The following DAD1 variants were observed in gnomAD, a reference collection of about 807,000 sequenced individuals.
The protein encoded by DAD1 is dolichyl-diphosphooligosaccharide--protein glycosyltransferase subunit DAD1.
A neutral mutation model predicts 9.0 loss-of-function variants in DAD1; 4 were observed. That is an observed-to-expected ratio of 0.44 (90% CI 0.22 to 1.01). The LOEUF (loss-of-function observed/expected upper bound fraction) is 1.01, where lower values mean the gene tolerates loss of function less well. Ranked by LOEUF, DAD1 falls within the 50% of genes least tolerant of loss-of-function variation. The probability of loss-of-function intolerance (pLI) is 0.24; values close to 1 mark genes in which losing one functional copy is unlikely to be tolerated. For synonymous variants in DAD1, 60 were observed against 62.5 expected, an observed-to-expected ratio of 0.96 and a Z score of 0.19; for missense variants, 119 against 137.3, an observed-to-expected ratio of 0.87 and a Z score of 0.67.
At chr14:22,588,034 C>A (rs1310467198) in intron 1 of DAD1, among the ~76,000 whole-genome samples, 1 of 152,244 alleles carries the variant, frequency 6.6e-6, no homozygotes, top group African/African-American at 2.4e-5. Context: ...CTGTGCCAGG[C>A]CTCCAGACAA....
Position 22,576,963 on chromosome 14 carries a change from CAA to C in DAD1, c.212-1732_212-1731del, listed in dbSNP as rs748552335. On this transcript the variant is annotated intron_variant, in intron 1 of 2. Transcript: ENST00000250498. ...ATTAGGATGTCTAGTATCAAAAAAA[CAA>C]GAGTTGGCAAGAATGCAGAGAAACT... Among the ~76,000 whole-genome samples the C allele has an allele frequency of 2.6e-5, 4 of 152,192 alleles. No individual in the cohort carries two copies. The East Asian group carries it at 7.7e-4, about 29-fold the overall frequency.
chr14:22,571,508 A>G (rs1329904883), intron 2 of DAD1, among the ~76,000 whole-genome samples: 1 of 151,980 alleles, frequency 6.6e-6, no homozygotes, highest in East Asian at 1.9e-4. Flanking sequence ...TCAGAAGCTC[A>G]CTGGGAGAAT....
intron 2 of DAD1, among the ~76,000 whole-genome samples, chr14:22,570,816 C>A (rs1047979052): frequency 1.3e-5 from 2 of 152,166 alleles, no homozygotes; most frequent in African/African-American, 4.8e-5. Context: ...TAACAAGGCA[C>A]AGGCATTTGG....
chr14:22,583,423 C>T (rs187101488), intron 1 of DAD1, among the ~76,000 whole-genome samples: 1 of 151,124 alleles, frequency 6.6e-6, no homozygotes, highest in East Asian at 1.9e-4. Context: ...AAATGCTAAA[C>T]GTTGCAACAT....
chr14:22,586,320 C>T (rs954170195), intron 1 of DAD1, among the ~76,000 whole-genome samples: 9 of 151,882 alleles, frequency 5.9e-5, no homozygotes, highest in Non-Finnish European at 1.2e-4. Context: ...CAGAGGCAGG[C>T]GGATCACCTG....
intron 1 of DAD1, among the ~76,000 whole-genome samples, chr14:22,576,163 C>A (rs184332212): frequency 2.5e-4 from 38 of 152,282 alleles, no homozygotes; most frequent in African/African-American, 9.1e-4. Context: ...ATCTGCCTAG[C>A]TCCATGGTAT....
At chr14:22,567,774 C>A (rs1206756836) in intron 2 of DAD1, among the ~76,000 whole-genome samples, 3 of 152,174 alleles carry the variant, frequency 2.0e-5, no homozygotes, top group African/African-American at 7.2e-5. Flanking sequence ...CAGTGCTGGT[C>A]CAGGATCACC....
At chr14:22,585,754 G>A (rs564184739) in intron 1 of DAD1, among the ~76,000 whole-genome samples, 1 of 152,252 alleles carries the variant, frequency 6.6e-6, no homozygotes, top group South Asian at 2.1e-4. Context: ...GGTTTAAAAT[G>A]TACTGGTCAA....
In DAD1 at chr14:22,589,029, A is replaced by G; in HGVS notation, c.129T>C (p.Gly43=). The change falls in exon 1 of 3, where the codon GGT becomes GGC. Residue 43 remains glycine, a synonymous_variant. Coordinates refer to ENST00000250498, the MANE Select transcript of DAD1 (RefSeq NM_001344.4). ...GGAAGGTCCCCACGAGGAGACAGTA[A>G]CCGAACTGCAGCGCCCCGGTCAGCA... ...YILLTGALQF[G]YCLLVGTFPF... 6.2e-7 allele frequency: 1 copy of G among 1,614,238 alleles called. No homozygotes were observed. Among genetic ancestry groups the G allele is most frequent in the South Asian group, 1.1e-5 (1 of 91,092 alleles).
At chr14:22,578,267 T>A (rs1157195993) in intron 1 of DAD1, among the ~76,000 whole-genome samples, 1 of 104,698 alleles carries the variant, frequency 9.6e-6, no homozygotes, top group Non-Finnish European at 2.0e-5. Context: ...AAAAAAAAAT[T>A]AAAAAATAAA....
chr14:22,576,719 T>A (rs5742786), intron 1 of DAD1, among the ~76,000 whole-genome samples: 14,002 of 152,230 alleles, frequency 0.092, 1,182 homozygotes, highest in African/African-American at 0.22. Flanking sequence ...TGCAAATCAC[T>A]TATCTGATAA....
At chr14:22,577,444 G>A (rs1286087312) in intron 1 of DAD1, among the ~76,000 whole-genome samples, 1 of 152,142 alleles carries the variant, frequency 6.6e-6, no homozygotes, top group Non-Finnish European at 1.5e-5. Flanking sequence ...GGGAGGTTGG[G>A]AGGGTGGGGG....
intron 1 of DAD1, 83 bp from the exon 2 acceptor site, chr14:22,575,316 C>T: frequency 6.9e-7 from 1 of 1,459,054 alleles, no homozygotes; most frequent in Non-Finnish European, 9.3e-7. Context: ...TACCCGAGGA[C>T]CCAACAATTC....
In DAD1 at chr14:22,582,517, C is replaced by T. The variant is rs1047662037; in HGVS notation, c.211+6430G>A. ...CCAGCCTGGGCAACAGAGCGAGACTCCGTCTCAAAAATATAAAAAATAAAA... is the reference window on the plus strand; with the variant it reads ...CCAGCCTGGGCAACAGAGCGAGACTTCGTCTCAAAAATATAAAAAATAAAA... On this transcript the variant is annotated intron_variant, in intron 1 of 2. Coordinates refer to ENST00000250498, the MANE Select transcript of DAD1 (RefSeq NM_001344.4). 2.6e-5 allele frequency among the ~76,000 whole-genome samples: 4 copies of T among 151,410 alleles called. No homozygotes were observed. In the South Asian group the frequency reaches 8.3e-4, roughly 32 times the overall value.
At chr14:22,576,913 TACA>T (rs1204007986) in intron 1 of DAD1, among the ~76,000 whole-genome samples, 3 of 151,960 alleles carry the variant, frequency 2.0e-5, no homozygotes, top group Non-Finnish European at 2.9e-5. Context: ...AAATCAAAAT[TACA>T]ACGAGATATC....
At chr14:22,582,144 T>C (rs935169194) in intron 1 of DAD1, among the ~76,000 whole-genome samples, 5 of 150,790 alleles carry the variant, frequency 3.3e-5, no homozygotes, top group African/African-American at 1.2e-4. Context: ...AGGGCGGAGG[T>C]TGCAGTGAGC....
intron 1 of DAD1, among the ~76,000 whole-genome samples, chr14:22,588,513 C>A (rs1316626381): frequency 6.6e-6 from 1 of 152,080 alleles, no homozygotes; most frequent in Non-Finnish European, 1.5e-5. Context: ...AGAAAAGCAC[C>A]AGTATTTATA....
intron 2 of DAD1, among the ~76,000 whole-genome samples, chr14:22,568,695 ATT>A (rs59847356): frequency 0.029 from 3,907 of 136,418 alleles, 154 homozygotes; most frequent in African/African-American, 0.099. Context: ...AAGTCTTCTG[ATT>A]TTTTTTTTTT....
intron 1 of DAD1, among the ~76,000 whole-genome samples, chr14:22,579,656 A>T (rs2037101882): frequency 6.6e-6 from 1 of 152,156 alleles, no homozygotes; most frequent in Admixed American, 6.5e-5. Context: ...TACAGAACAA[A>T]GACATTCTGA....
Sources: gnomAD v4.1 joint callset for allele counts (sites outside exome capture counted in the v4.1 genomes callset) on GRCh38, gnomAD v4.1.1 for gene constraint, MANE v1.5 for transcripts, NCBI Gene and HGNC (gene_info 2026-07-23, HGNC 2026-07-21) for gene names.